PTTG1IP: variants seen among roughly 807,000 people sequenced by gnomAD.
PTTG1IP encodes pituitary tumor-transforming gene 1 protein-interacting protein.
Under a neutral mutation model 24.4 loss-of-function variants are expected in PTTG1IP, and 16 were observed. That is an observed-to-expected ratio of 0.66 (90% confidence interval 0.44 to 1.00). PTTG1IP has a LOEUF of 1.00. PTTG1IP is among the 50% of genes least tolerant of loss of function. The pLI is 0.00. For synonymous variants in PTTG1IP, 89 were observed against 96.8 expected (o/e 0.92, Z 0.47); for missense variants, 241 against 245.8 (o/e 0.98, Z 0.13).
chr21:44,867,225 G>C (rs192095532), intron 1 of PTTG1IP, among the ~76,000 whole-genome samples: 2 of 152,354 alleles, frequency 1.3e-5, no homozygotes, highest in Non-Finnish European at 2.9e-5. Context: ...TTGGAGGTGA[G>C]CTAGGCGGCT....
chr21:44,860,057 C>T (rs989912168), intron 3 of PTTG1IP, among the ~76,000 whole-genome samples: 2 of 152,154 alleles, frequency 1.3e-5, no homozygotes, highest in African/African-American at 4.8e-5. Context: ...ACAAAACACA[C>T]CACAAACTGA....
At chr21:44,857,224 C>A (rs560402955) in intron 3 of PTTG1IP, among the ~76,000 whole-genome samples, 2 of 152,358 alleles carry the variant, frequency 1.3e-5, no homozygotes, top group Admixed American at 1.3e-4. Flanking sequence ...CACCTATAAT[C>A]CCAGCACTTT....
At chr21:44,861,350 C>G in intron 2 of PTTG1IP, 79 bp from the exon 3 acceptor site, 1 of 1,187,624 alleles carries the variant, frequency 8.4e-7, no homozygotes, top group Non-Finnish European at 1.2e-6. Context: ...CCACAGCCCG[C>G]CAGTGCTGCC....
chr21:44,865,105 C>T (rs2083525236), intron 2 of PTTG1IP, among the ~76,000 whole-genome samples: 1 of 152,228 alleles, frequency 6.6e-6, no homozygotes, highest in African/African-American at 2.4e-5. Flanking sequence ...CCAAATTTCT[C>T]GCTATGGGCC....
chr21:44,851,655 CTTCA>C (rs756881332), intron 5 of PTTG1IP, 28 bp from the exon 6 acceptor site: 12 of 1,548,976 alleles, frequency 7.7e-6, no homozygotes, highest in Non-Finnish European at 1.0e-5. Context: ...TGAATCATAA[CTTCA>C]TTCATTCAAC....
rs78374966 is a variant in PTTG1IP, at chr21:44,857,316, T to C, written c.278-952A>G. ...ACAAAGTGAGACCCAGCCCTGCCCA[T>C]CTCTACAAAACTGTTTAACAAATTA... On this transcript the variant is annotated intron_variant, in intron 3 of 5. Coordinates refer to ENST00000330938, the MANE Select transcript of PTTG1IP (RefSeq NM_004339.4). 2.6e-5 allele frequency among the ~76,000 whole-genome samples: 4 copies of C among 152,166 alleles called. No individual in the cohort carries two copies. In the East Asian group the frequency reaches 7.7e-4, roughly 29 times the overall value.
In PTTG1IP at chr21:44,856,200, C is replaced by T; in HGVS notation, c.442G>A (p.Glu148Lys). Residue 148 changes from glutamate to lysine, a missense_variant, in exon 4 of 6, where the codon GAG becomes AAG. Coordinates refer to ENST00000330938, the MANE Select transcript of PTTG1IP (RefSeq NM_004339.4). ...GCATCACCACCACCTCACCGTTCCT[C>T]CTGCCGTATCCGCCTCTCCTCCCGC... ...REREERRIRQ[E>K]ERRAEMKTRH... 3 of 1,614,148 alleles carry T rather than the reference C, an allele frequency of 1.9e-6. No homozygotes were observed. Among genetic ancestry groups the T allele is most frequent in the Non-Finnish European group, 2.5e-6 (3 of 1,179,996 alleles).
At chr21:44,858,399 C>G in intron 3 of PTTG1IP, among the ~76,000 whole-genome samples, 1 of 152,224 alleles carries the variant, frequency 6.6e-6, no homozygotes, top group African/African-American at 2.4e-5. Context: ...TGCTCCTCCC[C>G]ACTCTGCTCC....
At chr21:44,857,359 C>A (rs1252813516) in intron 3 of PTTG1IP, among the ~76,000 whole-genome samples, 1 of 152,184 alleles carries the variant, frequency 6.6e-6, no homozygotes. Context: ...GTGGTGCATG[C>A]ACCTCTGGTC....
chr21:44,867,361 G>A (rs991388348), intron 1 of PTTG1IP, among the ~76,000 whole-genome samples: 6 of 151,860 alleles, frequency 4.0e-5, no homozygotes, highest in Non-Finnish European at 7.4e-5. Flanking sequence ...GTGTAATTTC[G>A]TGGCTATGCC....
intron 1 of PTTG1IP, among the ~76,000 whole-genome samples, chr21:44,867,403 G>A (rs771526825): frequency 3.9e-5 from 6 of 152,010 alleles, no homozygotes; most frequent in African/African-American, 1.5e-4. Flanking sequence ...ACGTATGGAG[G>A]GAGGGGGGCA....
chr21:44,851,687 A>G (rs772452548), intron 5 of PTTG1IP, 60 bp from the exon 6 acceptor site: 1 of 1,512,362 alleles, frequency 6.6e-7, no homozygotes, highest in South Asian at 1.3e-5. Context: ...AAAATCTTAG[A>G]AAGCCATACA....
intron 3 of PTTG1IP, among the ~76,000 whole-genome samples, chr21:44,860,150 T>C (rs2146460395): frequency 6.6e-6 from 1 of 152,196 alleles, no homozygotes; most frequent in South Asian, 2.1e-4. Context: ...GGGCAGATCA[T>C]GAGGTCAGGA....
At chr21:44,866,157 T>A (rs141360362) in intron 1 of PTTG1IP, among the ~76,000 whole-genome samples, 26 of 151,894 alleles carry the variant, frequency 1.7e-4, no homozygotes, top group Non-Finnish European at 2.8e-4. Flanking sequence ...AGCGACTGCA[T>A]GAGTAACTTC....
chr21:44,869,335 G>C (rs1267612993), intron 1 of PTTG1IP, among the ~76,000 whole-genome samples: 1 of 152,212 alleles, frequency 6.6e-6, no homozygotes, highest in Non-Finnish European at 1.5e-5. Context: ...TTATGAAGAA[G>C]AACAGCCTCC....
chr21:44,856,229 C>G lies in PTTG1IP; in HGVS notation c.413G>C (p.Arg138Pro). The G allele has an allele frequency of 1.9e-6, 3 of 1,614,188 alleles. No homozygotes were observed. The highest frequency in any genetic ancestry group is 2.5e-6 in the Non-Finnish European group (3 of 1,180,016). ...KPDRSEEKAM[R>P]EREERRIRQE... ...CCGTATCCGCCTCTCCTCCCGCTCACGCATGGCCTTCTCCTCACTCCTGTC... is the reference window on the plus strand; with the variant it reads ...CCGTATCCGCCTCTCCTCCCGCTCAGGCATGGCCTTCTCCTCACTCCTGTC... The change falls in exon 4 of 6, where the codon CGT (arginine) becomes CCT (proline). Residue 138 changes from arginine (R) to proline (P), a missense_variant. By Grantham distance (103) the Arg-to-Pro change is moderately radical. Coordinates refer to ENST00000330938, the MANE Select transcript of PTTG1IP (RefSeq NM_004339.4).
chr21:44,858,421 C>T (rs1022142936), intron 3 of PTTG1IP, among the ~76,000 whole-genome samples: 1 of 152,242 alleles, frequency 6.6e-6, no homozygotes, highest in African/African-American at 2.4e-5. Context: ...GTGGGCAAGG[C>T]TGGACAAGGT....
intron 2 of PTTG1IP, chr21:44,861,606 C>T: frequency 1.5e-6 from 1 of 659,138 alleles, no homozygotes; most frequent in Non-Finnish European, 2.8e-6. Flanking sequence ...AGCCTCAGCT[C>T]AGCCTGCCGG....
At chr21:44,870,797 T>G (rs867546900) in intron 1 of PTTG1IP, among the ~76,000 whole-genome samples, 1 of 152,324 alleles carries the variant, frequency 6.6e-6, no homozygotes, top group African/African-American at 2.4e-5. Context: ...CTCATTTGTT[T>G]CCGAAATTAA....
Sources: gnomAD v4.1 joint callset for allele counts (sites outside exome capture counted in the v4.1 genomes callset) on GRCh38, gnomAD v4.1.1 for gene constraint, MANE v1.5 for transcripts, NCBI Gene and HGNC (gene_info 2026-07-23, HGNC 2026-07-21) for gene names.